The following MAPK8 variants were observed in gnomAD, a reference collection of about 807,000 sequenced individuals.
MAPK8 encodes mitogen-activated protein kinase 8.
MAPK8 carries 13 observed loss-of-function variants against 52.9 expected under a neutral mutation model. The observed-to-expected ratio is 0.25, with a 90% CI of 0.16 to 0.39. MAPK8 has a LOEUF of 0.39. Among genes scored for constraint, MAPK8 ranks in the 10% least tolerant of loss-of-function variants. The probability of loss-of-function intolerance (pLI) is 1.00; values close to 1 mark genes in which losing one functional copy is unlikely to be tolerated. For missense variants in MAPK8, 300 were observed against 519.2 expected, an observed-to-expected ratio of 0.58 and a Z score of 4.10; for synonymous variants, 191 against 169.8, an observed-to-expected ratio of 1.12 and a Z score of -0.97.
chr10:48,321,732 A>C (rs1843015510), intron 1 of MAPK8, among the ~76,000 whole-genome samples: 1 of 152,202 alleles, frequency 6.6e-6, no homozygotes, highest in South Asian at 2.1e-4. Context: ...GCATATAGAC[A>C]TGCAGTTGTC....
At chr10:48,329,132 A>G (rs555637347) in intron 1 of MAPK8, among the ~76,000 whole-genome samples, 1 of 152,350 alleles carries the variant, frequency 6.6e-6, no homozygotes, top group Admixed American at 6.5e-5. Context: ...GAAGTTAAGT[A>G]ACTTGCGCAG....
intron 1 of MAPK8, among the ~76,000 whole-genome samples, chr10:48,366,338 T>C (rs1380815097): frequency 6.6e-6 from 1 of 152,186 alleles, no homozygotes; most frequent in Admixed American, 6.5e-5. Context: ...GACAGCACTC[T>C]AAGATGGTTC....
chr10:48,418,356 G>GATAA (rs2043175527), intron 5 of MAPK8, among the ~76,000 whole-genome samples: 1 of 152,166 alleles, frequency 6.6e-6, no homozygotes, highest in African/African-American at 2.4e-5. Flanking sequence ...CTGAATAACA[G>GATAA]ATAAACCCTT....
chr10:48,355,291 C>T (rs893259697), intron 1 of MAPK8, among the ~76,000 whole-genome samples: 3 of 152,096 alleles, frequency 2.0e-5, no homozygotes, highest in South Asian at 2.1e-4. Flanking sequence ...GGGCGGATCA[C>T]GAGGTCAGGA....
chr10:48,435,350 T>G lies in MAPK8; in HGVS notation c.*321T>G, dbSNP rs1238770432. 3 of 219,238 alleles carry G rather than the reference T, an allele frequency of 1.4e-5. No homozygotes were observed. Among genetic ancestry groups the G allele is most frequent in the Non-Finnish European group, 2.7e-5 (3 of 112,882 alleles). 13.6% of individuals were successfully genotyped at this position (219,238 alleles called of 1,614,324 possible). On this transcript the variant is annotated 3_prime_UTR_variant, in exon 12 of 12. Transcript: ENST00000374189. Reference sequence around the variant, plus strand: ...CTGCTGATTTTTTTAACTGAATTTGTAAGATTTTGTTTATCAAAGCAACTA... The same window carrying G: ...CTGCTGATTTTTTTAACTGAATTTGGAAGATTTTGTTTATCAAAGCAACTA...
intron 1 of MAPK8, among the ~76,000 whole-genome samples, chr10:48,396,316 A>G (rs2041883894): frequency 6.6e-6 from 1 of 152,232 alleles, no homozygotes; most frequent in African/African-American, 2.4e-5. Flanking sequence ...ACCAAAGAGT[A>G]TATAGATGAC....
intron 1 of MAPK8, among the ~76,000 whole-genome samples, chr10:48,394,662 T>C (rs1205509212): frequency 6.6e-6 from 1 of 151,910 alleles, no homozygotes; most frequent in Non-Finnish European, 1.5e-5. Flanking sequence ...GACTGAATGC[T>C]TTCTCTCTTA....
At chr10:48,372,930 A>G (rs2040413808) in intron 1 of MAPK8, among the ~76,000 whole-genome samples, 1 of 152,118 alleles carries the variant, frequency 6.6e-6, no homozygotes, top group African/African-American at 2.4e-5. Flanking sequence ...AAGACACATA[A>G]TTGCCAATTC....
chr10:48,424,642 C>G, intron 7 of MAPK8: 1 of 1,181,348 alleles, frequency 8.5e-7, no homozygotes, highest in Non-Finnish European at 1.2e-6. Flanking sequence ...TATGATAGCA[C>G]TTCAGTTTGG....
intron 1 of MAPK8, among the ~76,000 whole-genome samples, chr10:48,329,481 T>C (rs1588959325): frequency 6.6e-6 from 1 of 151,492 alleles, no homozygotes; most frequent in South Asian, 2.1e-4. Flanking sequence ...TCTTGAATAG[T>C]GATAATGTGT....
At chr10:48,394,230 CA>C (rs1296980975) in intron 1 of MAPK8, among the ~76,000 whole-genome samples, 9 of 151,906 alleles carry the variant, frequency 5.9e-5, no homozygotes, top group African/African-American at 1.9e-4. Flanking sequence ...CATTTCCATA[CA>C]CTCTTTCTGA....
intron 5 of MAPK8, among the ~76,000 whole-genome samples, chr10:48,417,868 C>A (rs2043147559): frequency 6.6e-6 from 1 of 152,168 alleles, no homozygotes; most frequent in Non-Finnish European, 1.5e-5. Context: ...AAGGTGGCTA[C>A]TTCTTTTAAA....
intron 1 of MAPK8, among the ~76,000 whole-genome samples, chr10:48,368,242 G>A (rs1848241947): frequency 6.6e-6 from 1 of 152,212 alleles, no homozygotes; most frequent in African/African-American, 2.4e-5. Context: ...CCTTACATGT[G>A]TTTTAGTCCA....
chr10:48,415,076 G>A (rs2042991424), intron 5 of MAPK8, among the ~76,000 whole-genome samples: 1 of 151,854 alleles, frequency 6.6e-6, no homozygotes, highest in Non-Finnish European at 1.5e-5. Flanking sequence ...AATTATCATT[G>A]TAAGTGAATT....
chr10:48,359,047 G>A (rs148635115), intron 1 of MAPK8, among the ~76,000 whole-genome samples: 5 of 152,064 alleles, frequency 3.3e-5, no homozygotes, highest in Non-Finnish European at 5.9e-5. Flanking sequence ...TGAGTCCTCC[G>A]GCTTTATCTT....
chr10:48,345,505 A>C (rs117917514), intron 1 of MAPK8, among the ~76,000 whole-genome samples: 2 of 152,214 alleles, frequency 1.3e-5, no homozygotes, highest in Non-Finnish European at 2.9e-5. Flanking sequence ...GTTCACACAC[A>C]CACACCTTTG....
chr10:48,323,772 G>C (rs937434813), intron 1 of MAPK8, among the ~76,000 whole-genome samples: 5 of 152,182 alleles, frequency 3.3e-5, no homozygotes, highest in Non-Finnish European at 5.9e-5. Context: ...GTGTATTTCA[G>C]AAGGTTTTAT....
Position 48,380,116 on chromosome 10 carries a change from C to T in MAPK8, c.-49-21496C>T, listed in dbSNP as rs111484532. Among the ~76,000 whole-genome samples, 544 of 152,172 alleles carry T rather than the reference C, an allele frequency of 3.6e-3. 5 individuals carry two copies. Among genetic ancestry groups the T allele is most frequent in the East Asian group, 0.017 (89 of 5,148 alleles). On this transcript the variant is annotated intron_variant, in intron 1 of 11. Coordinates refer to ENST00000374189, the MANE Select transcript of MAPK8 (RefSeq NM_001323329.2). Reference sequence around the variant, plus strand: ...AATTAGCCGGGCATGGTGGTGCGCACCTGTAATCCCAGCTACCCGGGAGGC... The same window carrying T: ...AATTAGCCGGGCATGGTGGTGCGCATCTGTAATCCCAGCTACCCGGGAGGC...
chr10:48,317,328 C>T (rs529930507), intron 1 of MAPK8, among the ~76,000 whole-genome samples: 191 of 152,120 alleles, frequency 1.3e-3, no homozygotes, highest in African/African-American at 4.2e-3. Flanking sequence ...ACTCGGCTGG[C>T]GAATTTTTAA....
Sources: allele counts gnomAD v4.1 joint callset (sites outside exome capture counted in the v4.1 genomes callset), GRCh38; gene constraint gnomAD v4.1.1; transcripts MANE v1.5; gene names NCBI Gene and HGNC (gene_info 2026-07-23, HGNC 2026-07-21).